Variants in ANOS1 observed in about 807,000 individuals in gnomAD.
ANOS1 encodes the protein anosmin 1, also known as anosmin-1.
In ANOS1, 6 loss-of-function variants were observed where a neutral mutation model predicts 59.0. The ratio of observed to expected loss-of-function variants is 0.10; its 90% CI spans 0.06 to 0.20. The LOEUF is 0.20. Ranked by LOEUF, ANOS1 falls within the 10% of genes least tolerant of loss-of-function variation. The probability of loss-of-function intolerance (pLI) is 1.00; values close to 1 mark genes in which losing one functional copy is unlikely to be tolerated. For synonymous variants in ANOS1, 217 were observed against 223.4 expected, an observed-to-expected ratio of 0.97 and a Z score of 0.25; for missense variants, 433 against 542.3, an observed-to-expected ratio of 0.80 and a Z score of 2.00.
At chrX:8,694,276 CACA>C (rs746986726) in intron 2 of ANOS1, among the ~76,000 whole-genome samples, 1 of 111,699 alleles carries the variant, frequency 9.0e-6, no homozygotes, top group South Asian at 3.7e-4. Flanking sequence ...GCTGAACAGC[CACA>C]ACATTATAAT....
At chrX:8,624,776 CTA>C (rs1569066923) in intron 2 of ANOS1, among the ~76,000 whole-genome samples, 4 of 110,016 alleles carry the variant, frequency 3.6e-5, no homozygotes, top group African/African-American at 1.3e-4. Context: ...CTAATATACA[CTA>C]TATATATTAT....
intron 2 of ANOS1, among the ~76,000 whole-genome samples, chrX:8,685,263 T>C (rs1180135862): frequency 9.0e-6 from 1 of 110,852 alleles, no homozygotes; most frequent in Non-Finnish European, 1.9e-5. Flanking sequence ...TTGCTATTAA[T>C]ATAATGAACA....
chrX:8,545,061 C>CAAA (rs759787339), intron 9 of ANOS1, among the ~76,000 whole-genome samples: 3 of 20,459 alleles, frequency 1.5e-4, no homozygotes, highest in African/African-American at 2.1e-4. Context: ...AGAGAAACTC[C>CAAA]AAAAAAAAAA....
chrX:8,535,966 C>T (rs1188944159), intron 11 of ANOS1, among the ~76,000 whole-genome samples, 155 bp from the exon 12 acceptor site: 12 of 110,907 alleles, frequency 1.1e-4, no homozygotes, highest in Non-Finnish European at 2.3e-4. Flanking sequence ...ACAATCACCC[C>T]TTTGACATAT....
intron 2 of ANOS1, among the ~76,000 whole-genome samples, chrX:8,665,385 G>C (rs969020829): frequency 3.6e-5 from 4 of 112,372 alleles, no homozygotes; most frequent in Admixed American, 2.8e-4. Context: ...TCAGAGGTGA[G>C]ATATTGCACT....
Position 8,626,111 on chromosome X carries a change from C to CAAAAAA in ANOS1, c.256-2447_256-2442dup, listed in dbSNP as rs138234272. Among the ~76,000 whole-genome samples the CAAAAAA allele has an allele frequency of 1.9e-3, 47 of 24,523 alleles. 1 individual carries two copies. Among genetic ancestry groups the CAAAAAA allele is most frequent in the African/African-American group, 6.9e-3 (45 of 6,488 alleles). 21.3% of individuals were successfully genotyped at this position (24,523 alleles called of 115,157 possible). On this transcript the variant is annotated intron_variant, in intron 2 of 13. Transcript: ENST00000262648. Reference sequence around the variant, plus strand: ...TGGATGACAGAGCAAGACTCTGTCTCAAAAAAAAAAAAAAAAAAAAAAAAA... The same window carrying CAAAAAA: ...TGGATGACAGAGCAAGACTCTGTCTCAAAAAAAAAAAAAAAAAAAAAAAAAAAAAAA...
Position 8,530,421 on chromosome X carries a change from C to T in ANOS1, c.*2574G>A, listed in dbSNP as rs1161570277. ...ATTTTATTCTTTATTAGAGCAATCA[C>T]ATTTTTAAAATTCAAAAAATTATAA... On this transcript the variant is annotated 3_prime_UTR_variant, in exon 14 of 14. Coordinates refer to ENST00000262648, the MANE Select transcript of ANOS1 (RefSeq NM_000216.4). The T allele has an allele frequency of 4.5e-5, 5 of 111,480 alleles. No homozygotes were observed. The East Asian group carries it at 1.1e-3, about 25-fold the overall frequency. 9.2% of individuals were successfully genotyped at this position (111,480 alleles called of 1,213,427 possible).
intron 2 of ANOS1, among the ~76,000 whole-genome samples, chrX:8,632,977 G>A (rs1023246815): frequency 9.0e-6 from 1 of 111,077 alleles, no homozygotes; most frequent in Non-Finnish European, 1.9e-5. Flanking sequence ...GCACCCTACT[G>A]CCTTTAGAAG....
intron 2 of ANOS1, among the ~76,000 whole-genome samples, chrX:8,682,232 A>G (rs1016190290): frequency 9.0e-6 from 1 of 110,513 alleles, no homozygotes; most frequent in Non-Finnish European, 1.9e-5. Flanking sequence ...AGTCATGGCT[A>G]ACAGGCAGGA....
In ANOS1 at chrX:8,553,941, T is replaced by A; in HGVS notation, c.1354+11A>T. 1 of 1,201,450 alleles carries A rather than the reference T, an allele frequency of 8.3e-7. No individual in the cohort carries two copies. Among genetic ancestry groups the A allele is most frequent in the Non-Finnish European group, 1.1e-6 (1 of 886,260 alleles). On this transcript the variant is annotated intron_variant, in intron 9 of 13. Coordinates refer to ENST00000262648, the MANE Select transcript of ANOS1 (RefSeq NM_000216.4). ...AAGCAAGTAAGAAATAAGTAAGTAA[T>A]GTTTATGTACCTTCTGTCTTCTTCC...
At chrX:8,575,267 C>T (rs780997874) in intron 6 of ANOS1, among the ~76,000 whole-genome samples, 10 of 112,229 alleles carry the variant, frequency 8.9e-5, no homozygotes, top group Non-Finnish European at 1.7e-4. Context: ...AAGGTAGTTA[C>T]CAACCTTTCT....
chrX:8,687,476 C>A (rs7054213), intron 2 of ANOS1, among the ~76,000 whole-genome samples: 1,161 of 107,804 alleles, frequency 0.011, 19 homozygotes, highest in African/African-American at 0.037. Context: ...AAAAAGCAAC[C>A]CACTTCCTGC....
At chrX:8,598,152 T>C (rs1366909436) in intron 3 of ANOS1, among the ~76,000 whole-genome samples, 1 of 112,108 alleles carries the variant, frequency 8.9e-6, no homozygotes, top group Non-Finnish European at 1.9e-5. Context: ...AGTTCTGCAG[T>C]AGAAGAATGT....
rs757376082 is a variant in ANOS1, at chrX:8,556,176, G to A, written c.1208-2078C>T. Among the ~76,000 whole-genome samples the A allele has an allele frequency of 1.6e-3, 181 of 111,847 alleles. 1 individual carries two copies. The highest frequency in any genetic ancestry group is 5.4e-3 in the African/African-American group (167 of 30,811). Reference sequence around the variant, plus strand: ...TCAATAAACTAGGTATTGATGGAACGTATCTCAAAATAATAAGAGCTATTG... The same window carrying A: ...TCAATAAACTAGGTATTGATGGAACATATCTCAAAATAATAAGAGCTATTG... On this transcript the variant is annotated intron_variant, in intron 8 of 13. Coordinates refer to ENST00000262648, the MANE Select transcript of ANOS1 (RefSeq NM_000216.4).
At chrX:8,730,152 A>G (rs1265080043) in intron 1 of ANOS1, among the ~76,000 whole-genome samples, 4 of 112,061 alleles carry the variant, frequency 3.6e-5, no homozygotes, top group African/African-American at 1.3e-4. Flanking sequence ...AAAGAAAAAA[A>G]AAAGGTACTC....
At chrX:8,694,875 A>C (rs1286444697) in intron 2 of ANOS1, among the ~76,000 whole-genome samples, 1 of 112,220 alleles carries the variant, frequency 8.9e-6, no homozygotes, top group Non-Finnish European at 1.9e-5. Flanking sequence ...TAGAATTTTT[A>C]AAATACATTA....
At chrX:8,630,806 T>C (rs751893410) in intron 2 of ANOS1, among the ~76,000 whole-genome samples, 17 of 112,730 alleles carry the variant, frequency 1.5e-4, no homozygotes, top group Non-Finnish European at 2.6e-4. Flanking sequence ...AGGTGAGACA[T>C]TGCAGTAAAG....
intron 5 of ANOS1, among the ~76,000 whole-genome samples, chrX:8,586,357 C>G (rs1416309337): frequency 8.9e-6 from 1 of 112,312 alleles, no homozygotes; most frequent in Non-Finnish European, 1.9e-5. Context: ...AGAATATGAA[C>G]TCTTACATGT....
Position 8,685,744 on chromosome X carries a change from G to A in ANOS1, c.255+13954C>T, listed in dbSNP as rs182394115. Among the ~76,000 whole-genome samples, 50 of 111,545 alleles carry A rather than the reference G, an allele frequency of 4.5e-4. 1 individual carries two copies. The highest frequency in any genetic ancestry group is 1.1e-3 in the African/African-American group (34 of 30,713). On this transcript the variant is annotated intron_variant, in intron 2 of 13. Transcript: ENST00000262648. ...AAGAAGAGAAAGAAAGAGTGCACGA[G>A]CAAGATTTACAAAGTGCACACTTTA...
Sources: gnomAD v4.1 joint callset for allele counts (sites outside exome capture counted in the v4.1 genomes callset) on GRCh38, gnomAD v4.1.1 for gene constraint, MANE v1.5 for transcripts, NCBI Gene and HGNC (gene_info 2026-07-23, HGNC 2026-07-21) for gene names.